Variants in GRAMD1B observed in about 807,000 individuals in gnomAD.
GRAMD1B encodes protein Aster-B.
In GRAMD1B, 37 loss-of-function variants were observed where a neutral mutation model predicts 99.7. The observed-to-expected ratio is 0.37, with a 90% CI of 0.29 to 0.49. The LOEUF (loss-of-function observed/expected upper bound fraction) is 0.49. Among genes scored for constraint, GRAMD1B ranks in the 20% least tolerant of loss-of-function variants. The probability of loss-of-function intolerance (pLI) is 0.98; values close to 1 mark genes in which losing one functional copy is unlikely to be tolerated. For missense variants in GRAMD1B, 888 were observed against 1,009.2 expected (o/e 0.88, Z 1.63); for synonymous variants, 427 against 387.6 (o/e 1.10, Z -1.19).
In GRAMD1B at chr11:123,622,585, G is replaced by A. The variant is rs901617580; in HGVS notation, c.2624G>A (p.Arg875His). The A allele has an allele frequency of 9.1e-6, 14 of 1,546,668 alleles. No individual in the cohort carries two copies. Among genetic ancestry groups the A allele is most frequent in the East Asian group, 7.3e-5 (3 of 41,102 alleles). Residue 875 changes from arginine (R) to histidine (H), a missense_variant, in exon 20 of 20, where the codon CGC (arginine) becomes CAC (histidine). Transcript: ENST00000635736. ...YTSESEEKRN[R>H]YH ...TCGGAAAGTGAAGAAAAGAGGAATC[G>A]CTATCATTGACAAGGCAGGAACAGG...
intron 1 of GRAMD1B, among the ~76,000 whole-genome samples, chr11:123,422,724 G>T (rs1948494598): frequency 6.6e-6 from 1 of 152,156 alleles, no homozygotes; most frequent in Non-Finnish European, 1.5e-5. Flanking sequence ...ATGCCTCAAT[G>T]CCTCTGCACA....
intron 1 of GRAMD1B, among the ~76,000 whole-genome samples, chr11:123,418,855 A>C (rs954875496): frequency 3.3e-5 from 5 of 152,074 alleles, no homozygotes; most frequent in Non-Finnish European, 7.4e-5. Context: ...TCATTTTTTC[A>C]TTCATAGACA....
chr11:123,598,316 G>A, intron 7 of GRAMD1B: 2 of 1,235,608 alleles, frequency 1.6e-6, no homozygotes, highest in Non-Finnish European at 2.4e-6. Context: ...GGTTTTTGGG[G>A]TTGTAAATGA....
chr11:123,399,502 A>C (rs1047204598), intron 1 of GRAMD1B, among the ~76,000 whole-genome samples: 1 of 151,602 alleles, frequency 6.6e-6, no homozygotes, highest in Non-Finnish European at 1.5e-5. Flanking sequence ...TTTTTTTGGA[A>C]CCTCCATAAT....
chr11:123,619,799 G>A (rs1420179445), intron 19 of GRAMD1B, among the ~76,000 whole-genome samples: 1 of 152,184 alleles, frequency 6.6e-6, no homozygotes, highest in Non-Finnish European at 1.5e-5. Flanking sequence ...AGTTTCCTTG[G>A]GGGAGGGAGC....
At chr11:123,544,307 G>T (rs1944844393) in intron 2 of GRAMD1B, among the ~76,000 whole-genome samples, 1 of 152,100 alleles carries the variant, frequency 6.6e-6, no homozygotes, top group African/African-American at 2.4e-5. Flanking sequence ...GGTACCCAAG[G>T]TCAAGTACCA....
intron 2 of GRAMD1B, among the ~76,000 whole-genome samples, chr11:123,486,888 G>A (rs984785379): frequency 2.6e-5 from 4 of 152,016 alleles, no homozygotes; most frequent in Non-Finnish European, 5.9e-5. Context: ...CGCCAACATG[G>A]CAAAACCCTG....
In GRAMD1B at chr11:123,603,564, G is replaced by C. The variant is rs368151557; in HGVS notation, c.1166+23G>C. On this transcript the variant is annotated intron_variant, in intron 9 of 19. Coordinates refer to ENST00000635736, the MANE Select transcript of GRAMD1B (RefSeq NM_001387025.1). ...GGGGTGAGTGAGGCCAAGGGCGGCT[G>C]CCCAGAGGCAGCCGTGCGAGTGCCT... 5.5e-6 allele frequency: 8 copies of C among 1,448,412 alleles called. No individual in the cohort carries two copies. The African/African-American group carries it at 7.0e-5, about 13-fold the overall frequency. The allele number at this position is 1,448,412 out of a possible 1,614,324, so 89.7% of individuals were successfully genotyped here.
At chr11:123,563,748 G>T (rs997861660) in intron 2 of GRAMD1B, among the ~76,000 whole-genome samples, 2 of 152,076 alleles carry the variant, frequency 1.3e-5, no homozygotes, top group African/African-American at 2.4e-5. Context: ...TGCCCAGGCT[G>T]GGCTTTTTCT....
At position 123,547,665 on chromosome 11, in the gene GRAMD1B, C is replaced by T. The variant is rs534361528; in HGVS notation, c.453-29702C>T. Among the ~76,000 whole-genome samples, 8 of 152,340 alleles carry T rather than the reference C, an allele frequency of 5.3e-5. No homozygotes were observed. The South Asian group carries it at 8.3e-4, about 16-fold the overall frequency. ...ATCCTGTTTACCTTAAGGCATCTCT[C>T]CTTTAGTCTAAACATGCCTAGTTAC... is the stretch of plus-strand genomic sequence containing the variant. On this transcript the variant is annotated intron_variant, in intron 2 of 19. Coordinates refer to ENST00000635736, the MANE Select transcript of GRAMD1B (RefSeq NM_001387025.1).
At chr11:123,413,034 G>A (rs557994393) in intron 1 of GRAMD1B, among the ~76,000 whole-genome samples, 1 of 152,180 alleles carries the variant, frequency 6.6e-6, no homozygotes, top group South Asian at 2.1e-4. Flanking sequence ...CATCCACCTC[G>A]GCCTCCCAAA....
At chr11:123,456,421 CCT>C (rs1222630956) in intron 1 of GRAMD1B, among the ~76,000 whole-genome samples, 1 of 152,122 alleles carries the variant, frequency 6.6e-6, no homozygotes, top group Non-Finnish European at 1.5e-5. Context: ...CTACTAAATA[CCT>C]CTGTGACTTT....
At chr11:123,421,590 ATTC>A (rs1466785944) in intron 1 of GRAMD1B, among the ~76,000 whole-genome samples, 1 of 152,190 alleles carries the variant, frequency 6.6e-6, no homozygotes, top group African/African-American at 2.4e-5. Context: ...GAGATAGCTA[ATTC>A]TTCTTCCAGG....
chr11:123,624,716 ACTT>A lies in GRAMD1B; in HGVS notation c.*2122_*2124del, dbSNP rs1955395861. Reference sequence around the variant, plus strand: ...ATTCCCAGAAAGTTTTGAATGCAAAACTTGTAGATTCCTGAATTTATTCCATAC... The same window carrying A: ...ATTCCCAGAAAGTTTTGAATGCAAAAGTAGATTCCTGAATTTATTCCATAC... On this transcript the variant is annotated 3_prime_UTR_variant, in exon 20 of 20. Transcript: ENST00000635736. 6.6e-6 allele frequency: 1 copy of A among 152,196 alleles called. No individual in the cohort carries two copies. Among genetic ancestry groups the A allele is most frequent in the Non-Finnish European group, 1.5e-5 (1 of 68,034 alleles). 9.4% of individuals were successfully genotyped at this position (152,196 alleles called of 1,614,324 possible). A position where few individuals can be genotyped will look rare whatever the true frequency, so the allele number is the denominator to read the frequency against.
chr11:123,467,837 C>CCTTCCTTCCTT (rs58621803), intron 1 of GRAMD1B, among the ~76,000 whole-genome samples: 5 of 52,472 alleles, frequency 9.5e-5, no homozygotes, highest in African/African-American at 1.7e-4. Context: ...CTCCCTCCCT[C>CCTTCCTTCCTT]CCTCCCTTCC....
At chr11:123,359,568 C>T (rs929582275) in intron 1 of GRAMD1B, among the ~76,000 whole-genome samples, 11 of 152,064 alleles carry the variant, frequency 7.2e-5, no homozygotes, top group African/African-American at 2.7e-4. Flanking sequence ...GCAGGATATG[C>T]AGGCGCCAAG....
At chr11:123,617,002 G>A (rs1182368799) in intron 17 of GRAMD1B, among the ~76,000 whole-genome samples, 1 of 152,158 alleles carries the variant, frequency 6.6e-6, no homozygotes, top group Non-Finnish European at 1.5e-5. Context: ...AGAAATTTGT[G>A]GCTGTCAGTT....
chr11:123,524,669 T>C (rs1565327269), intron 2 of GRAMD1B, among the ~76,000 whole-genome samples: 1 of 152,146 alleles, frequency 6.6e-6, no homozygotes, highest in Non-Finnish European at 1.5e-5. Context: ...TTTCTCACTT[T>C]AGAGGGTCAA....
At chr11:123,537,765 T>C (rs7951407) in intron 2 of GRAMD1B, among the ~76,000 whole-genome samples, 28,279 of 152,244 alleles carry the variant, frequency 0.19, 3,002 homozygotes, top group East Asian at 0.25. Flanking sequence ...TTTCCTTGTA[T>C]AAGCCAGTAT....
Sources: gnomAD v4.1 joint callset for allele counts (sites outside exome capture counted in the v4.1 genomes callset) on GRCh38, gnomAD v4.1.1 for gene constraint, MANE v1.5 for transcripts, NCBI Gene and HGNC (gene_info 2026-07-23, HGNC 2026-07-21) for gene names.